MGAT4C: variants seen among roughly 807,000 people sequenced by gnomAD.
The protein encoded by MGAT4C is alpha-1,3-mannosyl-glycoprotein 4-beta-N-acetylglucosaminyltransferase C.
In MGAT4C, 19 loss-of-function variants were observed where a neutral mutation model predicts 40.1. That is an observed-to-expected ratio of 0.47 (90% CI 0.33 to 0.70). The LOEUF is 0.70. Among genes scored for constraint, MGAT4C ranks in the 30% least tolerant of loss-of-function variants. The probability of loss-of-function intolerance (pLI) is 0.02; values close to 1 mark genes in which losing one functional copy is unlikely to be tolerated. For missense variants in MGAT4C, 491 were observed against 563.2 expected, an observed-to-expected ratio of 0.87 and a Z score of 1.30; for synonymous variants, 181 against 187.1, an observed-to-expected ratio of 0.97 and a Z score of 0.27.
intron 2 of MGAT4C, among the ~76,000 whole-genome samples, chr12:86,715,881 A>G (rs1202927395): frequency 1.3e-5 from 2 of 152,186 alleles, no homozygotes; most frequent in Non-Finnish European, 2.9e-5. Context: ...GTACTTTCAA[A>G]TCAAGTAGTT....
chr12:86,379,760 T>C (rs932054170), intron 3 of MGAT4C, among the ~76,000 whole-genome samples: 3 of 152,160 alleles, frequency 2.0e-5, no homozygotes, highest in African/African-American at 7.2e-5. Flanking sequence ...CTCGTTTCTA[T>C]TACAAATTTC....
intron 2 of MGAT4C, among the ~76,000 whole-genome samples, chr12:86,507,303 C>T (rs1004488559): frequency 3.3e-5 from 5 of 152,226 alleles, no homozygotes; most frequent in East Asian, 1.9e-4. Flanking sequence ...TACACAGATA[C>T]GTGCACCTGC....
At chr12:86,440,775 A>G (rs1957213050) in intron 2 of MGAT4C, among the ~76,000 whole-genome samples, 1 of 152,164 alleles carries the variant, frequency 6.6e-6, no homozygotes, top group African/African-American at 2.4e-5. Context: ...AATTTAGTAA[A>G]GTCTTGGGTT....
chr12:86,150,292 C>T (rs950667619), intron 1 of MGAT4C, among the ~76,000 whole-genome samples: 2 of 152,126 alleles, frequency 1.3e-5, no homozygotes, highest in African/African-American at 2.4e-5. Context: ...GGTACCAGTC[C>T]GTGGACCAGG....
At chr12:86,011,833 C>CT in intron 2 of MGAT4C, 1 of 985,094 alleles carries the variant, frequency 1.0e-6, no homozygotes, top group Non-Finnish European at 1.2e-6. Flanking sequence ...TAAAGTAAAA[C>CT]TTTGGTCTCA....
chr12:85,975,817 G>A lies in MGAT4C; in HGVS notation c.*3472C>T, dbSNP rs1391081852. 6.6e-6 allele frequency: 1 copy of A among 150,938 alleles called. No homozygotes were observed. Among genetic ancestry groups the A allele is most frequent in the Non-Finnish European group, 1.5e-5 (1 of 67,150 alleles). The allele number at this position is 150,938 out of a possible 1,614,324, so 9.3% of individuals were successfully genotyped here. On this transcript the variant is annotated 3_prime_UTR_variant, in exon 5 of 5. Transcript: ENST00000611864. ...TAGATCCCATAATAAATATTATAAA[G>A]TTTAAGTGTGAGCTCTATTACTCAG...
At chr12:86,707,755 TC>T (rs1171761505) in intron 2 of MGAT4C, among the ~76,000 whole-genome samples, 1 of 152,030 alleles carries the variant, frequency 6.6e-6, no homozygotes, top group African/African-American at 2.4e-5. Context: ...GGTCTTAAAC[TC>T]CTGAGCTCAG....
intron 1 of MGAT4C, among the ~76,000 whole-genome samples, chr12:86,786,102 T>C (rs1297815488): frequency 6.6e-6 from 1 of 151,986 alleles, no homozygotes; most frequent in African/African-American, 2.4e-5. Context: ...ATGTTACATG[T>C]TAGGAGAACA....
At chr12:86,384,283 T>C (rs115730767) in intron 3 of MGAT4C, among the ~76,000 whole-genome samples, 37 of 152,322 alleles carry the variant, frequency 2.4e-4, no homozygotes, top group African/African-American at 8.7e-4. Context: ...CATATGAAGA[T>C]GATAACAAGG....
rs1375672929 is a variant in MGAT4C, at chr12:86,582,155, A to G, written c.-229+145054T>C. On this transcript the variant is annotated intron_variant, in intron 2 of 7. Transcript: ENST00000548651. Reference sequence around the variant, plus strand: ...AGAAAGCATTATTATTAATGATAGTACAAGATGATCATGTATATACAAAGA... The same window carrying G: ...AGAAAGCATTATTATTAATGATAGTGCAAGATGATCATGTATATACAAAGA... 2.0e-5 allele frequency among the ~76,000 whole-genome samples: 3 copies of G among 151,476 alleles called. No homozygotes were observed. In the Admixed American group the frequency reaches 2.0e-4, roughly 10 times the overall value.
chr12:86,116,455 A>C (rs1878438415), intron 1 of MGAT4C, among the ~76,000 whole-genome samples: 1 of 152,040 alleles, frequency 6.6e-6, no homozygotes. Flanking sequence ...AACAAGACAT[A>C]TGTTAGATTA....
chr12:86,214,699 C>A (rs1950601875), intron 1 of MGAT4C, among the ~76,000 whole-genome samples: 1 of 152,132 alleles, frequency 6.6e-6, no homozygotes. Context: ...ACCATCATTG[C>A]CTGATAACTT....
chr12:86,752,197 C>A (rs1454583188), intron 1 of MGAT4C, among the ~76,000 whole-genome samples: 1 of 151,918 alleles, frequency 6.6e-6, no homozygotes, highest in Non-Finnish European at 1.5e-5. Flanking sequence ...TAATTTGTCT[C>A]TGTGAGATAA....
intron 2 of MGAT4C, among the ~76,000 whole-genome samples, chr12:86,723,666 G>A (rs531473356): frequency 6.6e-6 from 1 of 152,098 alleles, no homozygotes; most frequent in Non-Finnish European, 1.5e-5. Context: ...TCCAAATAAG[G>A]TCACATTCTA....
At chr12:86,601,628 C>T (rs1182105740) in intron 2 of MGAT4C, among the ~76,000 whole-genome samples, 1 of 152,224 alleles carries the variant, frequency 6.6e-6, no homozygotes, top group Admixed American at 6.5e-5. Context: ...ACTGCGGGAG[C>T]GAAAGAAGCT....
intron 4 of MGAT4C, among the ~76,000 whole-genome samples, chr12:86,332,086 A>G (rs1954681451): frequency 1.3e-5 from 2 of 152,134 alleles, no homozygotes; most frequent in Non-Finnish European, 2.9e-5. Context: ...TTTCTTTGCT[A>G]CTTCATGAAA....
chr12:86,132,284 A>G (rs1340984533), intron 1 of MGAT4C, among the ~76,000 whole-genome samples: 1 of 152,204 alleles, frequency 6.6e-6, no homozygotes, highest in East Asian at 1.9e-4. Context: ...TGGAATGAGC[A>G]GTTACATACC....
intron 1 of MGAT4C, among the ~76,000 whole-genome samples, chr12:86,087,792 CAAT>C (rs1872146988): frequency 6.6e-6 from 1 of 151,670 alleles, no homozygotes; most frequent in South Asian, 2.1e-4. Flanking sequence ...CAGGAAGAAT[CAAT>C]AATACTGCCC....
chr12:86,214,659 G>A (rs1246304316), intron 1 of MGAT4C, among the ~76,000 whole-genome samples: 2 of 152,130 alleles, frequency 1.3e-5, no homozygotes, highest in African/African-American at 4.8e-5. Flanking sequence ...CTCTTCCTAT[G>A]AGCACACTAA....
Sources: gnomAD v4.1 joint callset for allele counts (sites outside exome capture counted in the v4.1 genomes callset) on GRCh38, gnomAD v4.1.1 for gene constraint, MANE v1.5 for transcripts, NCBI Gene and HGNC (gene_info 2026-07-23, HGNC 2026-07-21) for gene names.